The following INTS11 variants were observed in gnomAD, a reference collection of about 807,000 sequenced individuals.
The protein encoded by INTS11 is CPSF3-like protein.
A neutral mutation model predicts 78.6 loss-of-function variants in INTS11; 77 were observed. That is an observed-to-expected ratio of 0.98 (90% CI 0.81 to 1.18). The LOEUF (loss-of-function observed/expected upper bound fraction) is 1.18, where lower values mean the gene tolerates loss of function less well. Ranked by LOEUF, INTS11 falls within the 50% of genes most tolerant of loss-of-function variation. The pLI is 0.00. For missense variants in INTS11, 875 were observed against 825.9 expected, an observed-to-expected ratio of 1.06 and a Z score of -0.73; for synonymous variants, 441 against 326.9, an observed-to-expected ratio of 1.35 and a Z score of -3.77.
chr1:1,315,626 G>A lies in INTS11; in HGVS notation c.430-8C>T, dbSNP rs1174080128. On this transcript the variant is annotated splice_polypyrimidine_tract_variant and splice_region_variant and intron_variant, in intron 4 of 16. Coordinates refer to ENST00000435064, the MANE Select transcript of INTS11 (RefSeq NM_017871.6). ...CTCCAGCTCATCATCTACCTGTGGA[G>A]GACAGGGCTGCGCTCAGGCTGTGTC... The A allele has an allele frequency of 3.7e-6, 6 of 1,606,398 alleles. No individual in the cohort carries two copies. Among genetic ancestry groups the A allele is most frequent in the African/African-American group, 1.4e-5 (1 of 73,758 alleles).
Position 1,314,982 on chromosome 1 carries a change from G to C in INTS11, c.564-20C>G. The C allele has an allele frequency of 1.2e-6, 2 of 1,610,392 alleles. No individual in the cohort carries two copies. The highest frequency in any genetic ancestry group is 2.2e-5 in the East Asian group (1 of 44,764). Reference sequence around the variant, plus strand: ...GCAGCTCTGGAACACGGGGGTGGGGGTGTGAGCCACGATGCACTGTCCCCA... The same window carrying C: ...GCAGCTCTGGAACACGGGGGTGGGGCTGTGAGCCACGATGCACTGTCCCCA... On this transcript the variant is annotated intron_variant, in intron 6 of 16. Coordinates refer to ENST00000435064, the MANE Select transcript of INTS11 (RefSeq NM_017871.6). This position sits in a 1 kb window ranked among gnomAD's most constrained non-coding sequence, Gnocchi z 4.2.
At position 1,322,202 on chromosome 1, in the gene INTS11, G is replaced by A. The variant is rs149779526; in HGVS notation, c.29-1109C>T. Among the ~76,000 whole-genome samples the A allele has an allele frequency of 4.0e-3, 609 of 152,108 alleles. 2 individuals are homozygous for A. The highest frequency in any genetic ancestry group is 6.5e-3 in the Non-Finnish European group (440 of 68,010). On this transcript the variant is annotated intron_variant, in intron 1 of 16. Transcript: ENST00000435064. ...GGCCACAGAGGCACTTGTGGCACAC[G>A]GCCCCGAGGCATGGGGCCCGGGCTG...
chr1:1,313,368 T>G, intron 10 of INTS11, 141 bp downstream of exon 10: 1 of 997,092 alleles, frequency 1.0e-6, no homozygotes. Flanking sequence ...CAGGCGGACA[T>G]CGCCCCCGTT....
At position 1,312,908 on chromosome 1, in the gene INTS11, T is replaced by C. The variant is rs1252360510; in HGVS notation, c.1173A>G (p.Ala391=). The change falls in exon 12 of 17, where the codon GCA becomes GCG. Residue 391 remains alanine (A), a synonymous_variant. Transcript: ENST00000435064. ...GCATGATGCCCTTGGCGTCCGCGTG[T>C]GCGCTGAATGACATGTACTCCACCT... ...KMQVEYMSFS[A]HADAKGIMQL... is the part of the protein sequence containing the mutation. 1 of 1,612,482 alleles carries C rather than the reference T, an allele frequency of 6.2e-7. No homozygotes were observed.
At chr1:1,317,405 A>G in intron 4 of INTS11, 141 of 855,286 alleles carry the variant, frequency 1.6e-4, no homozygotes, top group Middle Eastern at 6.0e-4. Context: ...CAAAAAAAAA[A>G]GAAAAAAAAA....
rs749620893 is a variant in INTS11 at position 1,312,420 on chromosome 1, G to A, written c.1464+20C>T. 5 of 1,565,492 alleles carry A rather than the reference G, an allele frequency of 3.2e-6. No individual in the cohort carries two copies. The South Asian group carries it at 4.7e-5, about 15-fold the overall frequency. ...CGCAGCAGCGGCCCTCCCCCCTCCA[G>A]AGACCGTCCTGGCACTCACGCTGTC... On this transcript the variant is annotated intron_variant, in intron 14 of 16. Coordinates refer to ENST00000435064, the MANE Select transcript of INTS11 (RefSeq NM_017871.6).
At chr1:1,317,884 A>AGTCTCGC (rs1642711727) in intron 4 of INTS11, 1 of 151,734 alleles carries the variant, frequency 6.6e-6, no homozygotes, top group African/African-American at 2.4e-5. Context: ...TTTGAGCCGG[A>AGTCTCGC]GTCTCGCGTC....
chr1:1,315,289 C>A (rs577516267), intron 6 of INTS11, 115 bp downstream of exon 6: 81 of 1,314,830 alleles, frequency 6.2e-5, no homozygotes, highest in Non-Finnish European at 8.4e-5. Context: ...CCAGGCCGCA[C>A]AGGACATGGG....
rs1337066650 is a variant in INTS11 at position 1,320,492 on chromosome 1, C to T, written c.164G>A (p.Gly55Asp). ...FPDFSYITQN[G>D]RLTDFLDCVI... ...ACAGTCCAGGAAGTCTGTTAGGCGG[C>T]CGTTCTGGGTGATGTAGGAGAAGTC... is the stretch of plus-strand genomic sequence containing the variant. Residue 55 changes from glycine (G) to aspartate (D), a missense_variant, in exon 3 of 17, where the codon GGC (glycine) becomes GAC (aspartate). Physicochemically the swap from Gly to Asp is moderately conservative, Grantham distance 94. Coordinates refer to ENST00000435064, the MANE Select transcript of INTS11 (RefSeq NM_017871.6). 6.2e-7 allele frequency: 1 copy of T among 1,613,840 alleles called. No homozygotes were observed. The highest frequency in any genetic ancestry group is 8.5e-7 in the Non-Finnish European group (1 of 1,179,982).
In INTS11 at chr1:1,319,475, C is replaced by T; in HGVS notation, c.250G>A (p.Val84Met). The part of the protein sequence containing the change: ...CGALPYFSEM[V>M]GYDGPIYMTH... ...ATGTAGATGGGCCCGTCGTAGCCCA[C>T]CATCTCGCTGAAGTAGGGGAGTGCC... Residue 84 changes from valine to methionine, a missense_variant, in exon 4 of 17, where the codon GTG (valine) becomes ATG (methionine). Physicochemically the swap from Val to Met is conservative, Grantham distance 21. Coordinates refer to ENST00000435064, the MANE Select transcript of INTS11 (RefSeq NM_017871.6). 6.2e-7 allele frequency: 1 copy of T among 1,606,768 alleles called. No homozygotes were observed. Among genetic ancestry groups the T allele is most frequent in the Non-Finnish European group, 8.5e-7 (1 of 1,176,070 alleles).
chr1:1,314,633 G>C lies in INTS11; in HGVS notation c.702+191C>G. The C allele has an allele frequency of 1.3e-6, 1 of 748,078 alleles. No individual in the cohort carries two copies. The highest frequency in any genetic ancestry group is 2.1e-6 in the Non-Finnish European group (1 of 469,678). The allele number at this position is 748,078 out of a possible 1,614,324, so 46.3% of individuals were successfully genotyped here. On this transcript the variant is annotated intron_variant, in intron 7 of 16. Coordinates refer to ENST00000435064, the MANE Select transcript of INTS11 (RefSeq NM_017871.6). The surrounding 1 kb of genome is among the most constrained non-coding windows in gnomAD (Gnocchi z 4.2). ...CTTCGTCCGCACCTGAGGTAGGAGG[G>C]AAAAGGGGCTCCCTAGGAAAGGGTC... is the stretch of plus-strand genomic sequence containing the variant.
chr1:1,314,017 GC>G lies in INTS11; in HGVS notation c.768-97del. 7.8e-7 allele frequency: 1 copy of G among 1,279,018 alleles called. No homozygotes were observed. The highest frequency in any genetic ancestry group is 1.3e-5 in the South Asian group (1 of 75,108). The allele number at this position is 1,279,018 out of a possible 1,614,324, so 79.2% of individuals were successfully genotyped here. On this transcript the variant is annotated intron_variant, in intron 8 of 16. Coordinates refer to ENST00000435064, the MANE Select transcript of INTS11 (RefSeq NM_017871.6). This position sits in a 1 kb window ranked among gnomAD's most constrained non-coding sequence, Gnocchi z 4.2. ...CACCCCCAACACCCGTGTCTGCACA[GC>G]CCACGCACGGGCCAGGTTGAGTCCA...
chr1:1,311,644 G>T lies in INTS11; in HGVS notation c.*215C>A. On this transcript the variant is annotated 3_prime_UTR_variant, in exon 17 of 17. Coordinates refer to ENST00000435064, the MANE Select transcript of INTS11 (RefSeq NM_017871.6). ...TGGAAACTGCTGTCTAGGACCACCTGCCCTAACCAGGAATAAAGGCAAGAC... is the reference window on the plus strand; with the variant it reads ...TGGAAACTGCTGTCTAGGACCACCTTCCCTAACCAGGAATAAAGGCAAGAC... 2 of 707,336 alleles carry T rather than the reference G, an allele frequency of 2.8e-6. No homozygotes were observed. Among genetic ancestry groups the T allele is most frequent in the Non-Finnish European group, 5.1e-6 (2 of 392,222 alleles). The allele number at this position is 707,336 out of a possible 1,614,324, so 43.8% of individuals were successfully genotyped here.
rs753357057 is a variant in INTS11, at chr1:1,312,586, C to T, written c.1402+7G>A. 22 of 1,575,288 alleles carry T rather than the reference C, an allele frequency of 1.4e-5. No homozygotes were observed. The South Asian group carries it at 1.5e-4, about 11-fold the overall frequency. On this transcript the variant is annotated splice_region_variant and intron_variant, in intron 13 of 16. Transcript: ENST00000435064. ...GCACCCTGCCCTGCCCTGCCCAGCC[C>T]GCATACCCTGCGCCATCTCCCGCTT...
In INTS11 at chr1:1,313,124, C is replaced by T; in HGVS notation, c.1042G>A (p.Val348Ile). 8 of 1,605,866 alleles carry T rather than the reference C, an allele frequency of 5.0e-6. No homozygotes were observed. Among genetic ancestry groups the T allele is most frequent in the Non-Finnish European group, 5.9e-6 (7 of 1,179,266 alleles). Residue 348 changes from valine (V) to isoleucine (I), a missense_variant and splice_region_variant, in exon 11 of 17, where the codon GTC (valine) becomes ATC (isoleucine). Physicochemically the swap from Val to Ile is conservative, Grantham distance 29 (BLOSUM62 3). Transcript: ENST00000435064. The part of the protein sequence containing the change: ...RKWAGNEKNM[V>I]IMPGYCVQGT... ...TGCACGCAGTAGCCGGGCATGATGA[C>T]CTGGGGGCAGGCACAGAGCTCACAG...
intron 1 of INTS11, chr1:1,323,213 T>C (rs778219266): frequency 6.5e-7 from 1 of 1,550,274 alleles, no homozygotes; most frequent in South Asian, 1.2e-5. Flanking sequence ...CCCGTCCTGG[T>C]GTCTGTGCTG....
chr1:1,320,424 T>C (rs749668932), intron 3 of INTS11, 32 bp downstream of exon 3: 6 of 1,606,592 alleles, frequency 3.7e-6, no homozygotes, highest in African/African-American at 1.3e-5. Context: ...GGCACAGACA[T>C]GGGACCCTCA....
In INTS11 at chr1:1,314,778, G is replaced by A. The variant is rs1392376260; in HGVS notation, c.702+46C>T. The A allele has an allele frequency of 6.3e-7, 1 of 1,583,104 alleles. No homozygotes were observed. Among genetic ancestry groups the A allele is most frequent in the South Asian group, 1.1e-5 (1 of 88,008 alleles). Reference sequence around the variant, plus strand: ...GCAGCCAAGCCTGCCAGAAAGACCAGCCCAGCATGGCCGAGGGCCCATGTC... The same window carrying A: ...GCAGCCAAGCCTGCCAGAAAGACCAACCCAGCATGGCCGAGGGCCCATGTC... On this transcript the variant is annotated intron_variant, in intron 7 of 16. Transcript: ENST00000435064. The surrounding 1 kb of genome is among the most constrained non-coding windows in gnomAD (Gnocchi z 4.2).
Position 1,312,403 on chromosome 1 carries a change from C to T in INTS11, c.1465-35G>A, listed in dbSNP as rs759439201. ...AGGGACAGGTCAGTGAGCGCAGCAG[C>T]GGCCCTCCCCCCTCCAGAGACCGTC... On this transcript the variant is annotated intron_variant, in intron 14 of 16. Coordinates refer to ENST00000435064, the MANE Select transcript of INTS11 (RefSeq NM_017871.6). The T allele has an allele frequency of 1.0e-5, 16 of 1,564,556 alleles. No individual in the cohort carries two copies. In the South Asian group the frequency reaches 1.1e-4, roughly 10 times the overall value.
Sources: gnomAD v4.1 joint callset for allele counts (sites outside exome capture counted in the v4.1 genomes callset) on GRCh38, gnomAD v4.1.1 for gene constraint, Gnocchi (gnomAD v3.1) non-coding constraint, MANE v1.5 for transcripts, NCBI Gene and HGNC (gene_info 2026-07-23, HGNC 2026-07-21) for gene names.